Variants in CDK19 observed in about 807,000 individuals in gnomAD.
The protein encoded by CDK19 is cyclin-dependent kinase 19.
A neutral mutation model predicts 68.3 loss-of-function variants in CDK19; 20 were observed. That is an observed-to-expected ratio of 0.29 (90% CI 0.21 to 0.43). The LOEUF is 0.43. CDK19 is among the 20% of genes least tolerant of loss of function. The pLI is 1.00. For synonymous variants in CDK19, 221 were observed against 222.8 expected (o/e 0.99, Z 0.07); for missense variants, 339 against 623.5 (o/e 0.54, Z 4.86).
chr6:110,740,614 A>T (rs1777585852), intron 2 of CDK19, among the ~76,000 whole-genome samples: 1 of 152,174 alleles, frequency 6.6e-6, no homozygotes, highest in African/African-American at 2.4e-5. Flanking sequence ...TCTTTAACTT[A>T]TTTTCCCAGC....
chr6:110,704,776 C>T (rs141250583), intron 2 of CDK19, among the ~76,000 whole-genome samples: 2 of 152,062 alleles, frequency 1.3e-5, no homozygotes, highest in East Asian at 3.9e-4. Context: ...CTACACGTGC[C>T]CCAGGACTGT....
rs549186461 is a variant in CDK19 at position 110,711,793 on chromosome 6, C to T, written c.204+34333G>A. Among the ~76,000 whole-genome samples the T allele has an allele frequency of 5.9e-5, 9 of 152,312 alleles. No individual in the cohort carries two copies. In the South Asian group the frequency reaches 1.4e-3, roughly 25 times the overall value. ...GACCAGCCTGGCCAACATGGCAAAA[C>T]CCTGTCTCTACTAAAAATACAAAAA... On this transcript the variant is annotated intron_variant, in intron 2 of 12. Coordinates refer to ENST00000368911, the MANE Select transcript of CDK19 (RefSeq NM_015076.5).
chr6:110,618,420 A>T (rs952387185), intron 12 of CDK19, among the ~76,000 whole-genome samples: 1 of 152,180 alleles, frequency 6.6e-6, no homozygotes, highest in South Asian at 2.1e-4. Flanking sequence ...GGCATGAGCC[A>T]CTGTCCCCAG....
intron 2 of CDK19, among the ~76,000 whole-genome samples, chr6:110,708,830 C>T (rs1469557891): frequency 6.6e-6 from 1 of 152,182 alleles, no homozygotes; most frequent in Non-Finnish European, 1.5e-5. Context: ...AGCTTATAGG[C>T]ATTTCAAATG....
At chr6:110,685,039 G>A (rs560651690) in intron 2 of CDK19, among the ~76,000 whole-genome samples, 36 of 152,300 alleles carry the variant, frequency 2.4e-4, no homozygotes, top group African/African-American at 8.7e-4. Flanking sequence ...CCAAGAGGCT[G>A]AGGCAGGAGA....
At chr6:110,686,730 C>G (rs539480118) in intron 2 of CDK19, among the ~76,000 whole-genome samples, 2 of 152,084 alleles carry the variant, frequency 1.3e-5, no homozygotes, top group Non-Finnish European at 2.9e-5. Flanking sequence ...TTAGATTTCT[C>G]AAGGAAATAA....
At chr6:110,805,458 T>C (rs1782617380) in intron 1 of CDK19, among the ~76,000 whole-genome samples, 1 of 151,808 alleles carries the variant, frequency 6.6e-6, no homozygotes, top group Non-Finnish European at 1.5e-5. Context: ...CATCTAACCC[T>C]GCACTATAGA....
chr6:110,776,329 T>C (rs1456756055), intron 1 of CDK19, among the ~76,000 whole-genome samples: 2 of 151,774 alleles, frequency 1.3e-5, no homozygotes, highest in African/African-American at 4.8e-5. Context: ...CTCGAGAGGC[T>C]GAGGCAGGAG....
chr6:110,702,255 G>A (rs1582899072), intron 2 of CDK19, among the ~76,000 whole-genome samples: 1 of 152,072 alleles, frequency 6.6e-6, no homozygotes, highest in East Asian at 1.9e-4. Context: ...AGACCAGACT[G>A]GACAACATAG....
intron 6 of CDK19, among the ~76,000 whole-genome samples, chr6:110,631,266 G>A (rs1244008340): frequency 6.6e-6 from 1 of 152,116 alleles, no homozygotes; most frequent in African/African-American, 2.4e-5. Flanking sequence ...CCTTCTAACA[G>A]CTACAATGTA....
intron 4 of CDK19, among the ~76,000 whole-genome samples, chr6:110,662,575 A>G (rs2114372267): frequency 6.6e-6 from 1 of 152,292 alleles, no homozygotes; most frequent in Non-Finnish European, 1.5e-5. Context: ...TTATGAGCAC[A>G]AACAATATGC....
At chr6:110,782,983 T>C (rs1014154420) in intron 1 of CDK19, among the ~76,000 whole-genome samples, 2 of 152,194 alleles carry the variant, frequency 1.3e-5, no homozygotes, top group African/African-American at 4.8e-5. Flanking sequence ...CTATCATAAA[T>C]TATTAATCTA....
chr6:110,688,481 G>A (rs1363532002), intron 2 of CDK19, among the ~76,000 whole-genome samples: 1 of 152,070 alleles, frequency 6.6e-6, no homozygotes, highest in African/African-American at 2.4e-5. Flanking sequence ...AAGCAACGCA[G>A]GAACTTAGGA....
intron 4 of CDK19, among the ~76,000 whole-genome samples, 182 bp downstream of exon 4, chr6:110,667,252 T>C (rs1460843545): frequency 2.6e-5 from 4 of 152,194 alleles, no homozygotes; most frequent in African/African-American, 9.6e-5. Flanking sequence ...ACCCACCAAA[T>C]GTTAAATAGT....
At chr6:110,750,133 G>A (rs185312312) in intron 1 of CDK19, among the ~76,000 whole-genome samples, 7 of 145,510 alleles carry the variant, frequency 4.8e-5, no homozygotes, top group African/African-American at 1.5e-4. Context: ...GGAAACCTAA[G>A]ATTTTATCCT....
rs9487466 is a variant in CDK19, at chr6:110,622,764, T to G, written c.1031+51A>C. On this transcript the variant is annotated intron_variant, in intron 10 of 12. Transcript: ENST00000368911. Reference sequence around the variant, plus strand: ...GTGCTTCCCTTGCTTTCAACCACCATGCAGCCTCCTCAGCCTGGAGCAAAG... The same window carrying G: ...GTGCTTCCCTTGCTTTCAACCACCAGGCAGCCTCCTCAGCCTGGAGCAAAG... 2.0e-3 allele frequency: 2,373 copies of G among 1,163,314 alleles called. 47 individuals are homozygous for G. In the African/African-American group the frequency reaches 0.032, roughly 16 times the overall value. The allele number at this position is 1,163,314 out of a possible 1,614,324, so 72.1% of individuals were successfully genotyped here. A position where few individuals can be genotyped will look rare whatever the true frequency, so the allele number is the denominator to read the frequency against.
chr6:110,667,337 A>G (rs893000737), intron 4 of CDK19, 97 bp downstream of exon 4: 6 of 793,090 alleles, frequency 7.6e-6, no homozygotes, highest in African/African-American at 7.3e-5. Flanking sequence ...AAGTTTTTCT[A>G]TAATTAATGT....
chr6:110,646,517 G>A (rs1485957501), intron 4 of CDK19: 5 of 1,327,032 alleles, frequency 3.8e-6, no homozygotes, highest in Non-Finnish European at 2.0e-6. Flanking sequence ...CTGGGAAACC[G>A]ACGTGCGCCT....
rs150110100 is a variant in CDK19, at chr6:110,648,280, A to C, written c.457-9574T>G. ...AAGTATTATTATTTGCAGATGCTAT[A>C]ATTATCTACATAGAAAACCAAAGTA... On this transcript the variant is annotated intron_variant, in intron 4 of 12. Coordinates refer to ENST00000368911, the MANE Select transcript of CDK19 (RefSeq NM_015076.5). Among the ~76,000 whole-genome samples the C allele has an allele frequency of 5.5e-3, 832 of 152,308 alleles. 3 individuals are homozygous for C. Among genetic ancestry groups the C allele is most frequent in the African/African-American group, 0.019 (792 of 41,578 alleles).
Sources: allele counts gnomAD v4.1 joint callset (sites outside exome capture counted in the v4.1 genomes callset), GRCh38; gene constraint gnomAD v4.1.1; transcripts MANE v1.5; gene names NCBI Gene and HGNC (gene_info 2026-07-23, HGNC 2026-07-21).